Variants in MAML3 observed in about 807,000 individuals in gnomAD.
MAML3 encodes mastermind-like protein 3.
In MAML3, 27 loss-of-function variants were observed where a neutral mutation model predicts 101.9. That is an observed-to-expected ratio of 0.27 (90% CI 0.20 to 0.37). The LOEUF (loss-of-function observed/expected upper bound fraction) is 0.37. MAML3 is among the 10% of genes least tolerant of loss of function. The pLI is 1.00. For synonymous variants in MAML3, 501 were observed against 555.9 expected (o/e 0.90, Z 1.39); for missense variants, 1,316 against 1,444.9 (o/e 0.91, Z 1.45).
intron 1 of MAML3, among the ~76,000 whole-genome samples, chr4:140,115,471 T>C (rs1461686960): frequency 6.6e-6 from 1 of 152,174 alleles, no homozygotes; most frequent in African/African-American, 2.4e-5. Context: ...AATTAATGCA[T>C]AAGAGTAAAT....
At chr4:140,060,953 T>C (rs1044042098) in intron 1 of MAML3, among the ~76,000 whole-genome samples, 1 of 152,174 alleles carries the variant, frequency 6.6e-6, no homozygotes, top group Non-Finnish European at 1.5e-5. Flanking sequence ...CTAAGTTAAA[T>C]AGGAAGGGAA....
chr4:140,025,863 C>T (rs1726814293), intron 1 of MAML3, among the ~76,000 whole-genome samples: 1 of 152,212 alleles, frequency 6.6e-6, no homozygotes, highest in African/African-American at 2.4e-5. Flanking sequence ...AAACCTCTCC[C>T]ATGGATTGGC....
intron 2 of MAML3, among the ~76,000 whole-genome samples, chr4:139,803,408 C>T (rs544323366): frequency 2.0e-5 from 3 of 152,270 alleles, no homozygotes; most frequent in African/African-American, 4.8e-5. Flanking sequence ...CACAACAAAA[C>T]AAAAACAGAA....
chr4:139,882,771 T>C (rs942710206), intron 2 of MAML3, among the ~76,000 whole-genome samples: 3 of 151,998 alleles, frequency 2.0e-5, no homozygotes, highest in African/African-American at 7.3e-5. Context: ...ATCACTTGAA[T>C]CTGGGAGGCA....
At chr4:139,907,296 GACT>G (rs1275406454) in intron 1 of MAML3, among the ~76,000 whole-genome samples, 1 of 152,160 alleles carries the variant, frequency 6.6e-6, no homozygotes, top group African/African-American at 2.4e-5. Flanking sequence ...GAGAGGGTTG[GACT>G]ACATGATCTC....
chr4:139,877,302 A>G (rs1732134230), intron 2 of MAML3, among the ~76,000 whole-genome samples: 1 of 66,178 alleles, frequency 1.5e-5, no homozygotes, highest in Non-Finnish European at 4.2e-5. Context: ...GAACCAAAAT[A>G]TAATAGAGTA....
chr4:140,087,268 G>C (rs1727968812), intron 1 of MAML3, among the ~76,000 whole-genome samples: 1 of 152,110 alleles, frequency 6.6e-6, no homozygotes, highest in African/African-American at 2.4e-5. Context: ...GTAATCAGAG[G>C]GTCCATGCTA....
At position 140,153,166 on chromosome 4, in the gene MAML3, G is replaced by A. The variant is rs377065926; in HGVS notation, c.162C>T (p.Cys54=). 2 of 1,551,320 alleles carry A rather than the reference G, an allele frequency of 1.3e-6. No homozygotes were observed. The highest frequency in any genetic ancestry group is 1.7e-6 in the Non-Finnish European group (2 of 1,147,154). ...CGCCGCCGGGGCCCCCGGAGCCGCC[G>A]CATCCACCGGCTGCCGGGTGATTGC... The part of the protein sequence containing the change: ...PSSNHPAAGG[C]GGSGGPGGGS... Residue 54 remains cysteine (C), a synonymous_variant, in exon 1 of 5, where the codon TGC becomes TGT. Coordinates refer to ENST00000509479, the MANE Select transcript of MAML3 (RefSeq NM_018717.5).
At chr4:140,150,919 G>C (rs1290228105) in intron 1 of MAML3, among the ~76,000 whole-genome samples, 1 of 151,324 alleles carries the variant, frequency 6.6e-6, no homozygotes, top group Non-Finnish European at 1.5e-5. Flanking sequence ...TCGAACTGTC[G>C]TTCTTCCTCA....
chr4:139,815,287 G>A (rs1730874455), intron 2 of MAML3, among the ~76,000 whole-genome samples: 1 of 152,172 alleles, frequency 6.6e-6, no homozygotes, highest in Non-Finnish European at 1.5e-5. Context: ...TTTCAGGAAT[G>A]AATCATTTCT....
At chr4:140,008,562 G>A (rs1355217389) in intron 1 of MAML3, among the ~76,000 whole-genome samples, 3 of 151,914 alleles carry the variant, frequency 2.0e-5, no homozygotes, top group East Asian at 1.9e-4. Flanking sequence ...GAGCTGGTAA[G>A]AGATGAAAAA....
At chr4:139,965,115 G>C (rs933465159) in intron 1 of MAML3, among the ~76,000 whole-genome samples, 3 of 151,838 alleles carry the variant, frequency 2.0e-5, no homozygotes, top group Non-Finnish European at 4.4e-5. Flanking sequence ...TTCCAAGACA[G>C]CTTGTCTCTT....
chr4:140,002,184 ATCTTTTGACCAACAAC>A, intron 1 of MAML3, among the ~76,000 whole-genome samples: 1 of 152,218 alleles, frequency 6.6e-6, no homozygotes, highest in East Asian at 1.9e-4. Context: ...AAAATTTTGT[ATCTTTTGACCAACAAC>A]TCTCACCCCC....
chr4:139,904,878 T>C (rs184219584), intron 1 of MAML3, among the ~76,000 whole-genome samples: 1 of 152,362 alleles, frequency 6.6e-6, no homozygotes, highest in East Asian at 1.9e-4. Flanking sequence ...CAATGGTAAT[T>C]GGTTGTGTAT....
intron 1 of MAML3, chr4:140,127,958 T>C (rs1425524281): frequency 5.3e-5 from 8 of 152,210 alleles, no homozygotes; most frequent in Admixed American, 5.2e-4. Context: ...AAGTGACCTA[T>C]TGTGACATCA....
chr4:139,857,811 C>T (rs1396338641), intron 2 of MAML3, among the ~76,000 whole-genome samples: 1 of 152,142 alleles, frequency 6.6e-6, no homozygotes, highest in Non-Finnish European at 1.5e-5. Flanking sequence ...TGGAGTCTTC[C>T]CTACTTCGGG....
At chr4:139,753,019 T>G (rs1352876059) in intron 2 of MAML3, among the ~76,000 whole-genome samples, 1 of 152,206 alleles carries the variant, frequency 6.6e-6, no homozygotes, top group East Asian at 1.9e-4. Context: ...GAATTTATTC[T>G]TCCTGTCTTC....
intron 2 of MAML3, among the ~76,000 whole-genome samples, chr4:139,742,118 C>T (rs1729184329): frequency 6.6e-6 from 1 of 150,746 alleles, no homozygotes; most frequent in African/African-American, 2.4e-5. Context: ...AAATCATCCT[C>T]TCTACAGATC....
intron 2 of MAML3, among the ~76,000 whole-genome samples, chr4:139,883,439 A>T: frequency 6.6e-6 from 1 of 152,192 alleles, no homozygotes; most frequent in East Asian, 1.9e-4. Context: ...ACATGGCTAA[A>T]CTGTGAGGCA....
Sources: allele counts gnomAD v4.1 joint callset (sites outside exome capture counted in the v4.1 genomes callset), GRCh38; gene constraint gnomAD v4.1.1; transcripts MANE v1.5; gene names NCBI Gene and HGNC (gene_info 2026-07-23, HGNC 2026-07-21).